The following CSMD2 variants were observed in gnomAD, a reference collection of about 807,000 sequenced individuals.
CSMD2 encodes the protein CUB and sushi domain-containing protein 2.
Under a neutral mutation model 398.5 loss-of-function variants are expected in CSMD2, and 130 were observed. The observed-to-expected ratio is 0.33, with a 90% confidence interval of 0.28 to 0.38. CSMD2 has a LOEUF of 0.38. Ranked by LOEUF, CSMD2 falls within the 10% of genes least tolerant of loss-of-function variation. The probability of loss-of-function intolerance (pLI) is 1.00; values close to 1 mark genes in which losing one functional copy is unlikely to be tolerated. For synonymous variants in CSMD2, 1,828 were observed against 1,908.5 expected (o/e 0.96, Z 1.10); for missense variants, 3,829 against 4,764.9 (o/e 0.80, Z 5.78).
Position 33,514,277 on chromosome 1 carries a change from C to T in CSMD2, c.*2347G>A, listed in dbSNP as rs1450799131. ...CCTACAATAATGAAAAAAAAATTTA[C>T]ACCTTTTTTTTTTTCTTTTTTGGTA... On this transcript the variant is annotated 3_prime_UTR_variant, in exon 71 of 71. Transcript: ENST00000373381. The T allele has an allele frequency of 2.7e-5, 3 of 112,498 alleles. No homozygotes were observed. Among genetic ancestry groups the T allele is most frequent in the Non-Finnish European group, 5.8e-5 (3 of 52,002 alleles). The allele number at this position is 112,498 out of a possible 1,614,324, so 7.0% of individuals were successfully genotyped here.
At chr1:34,153,077 C>T (rs10753301) in intron 1 of CSMD2, among the ~76,000 whole-genome samples, 92,445 of 152,132 alleles carry the variant, frequency 0.61, 30,401 homozygotes, top group Non-Finnish European at 0.74. Flanking sequence ...AATGCAGTGG[C>T]GCGATCTCGG....
chr1:33,891,203 G>T (rs11484685), intron 5 of CSMD2, among the ~76,000 whole-genome samples: 15,908 of 144,750 alleles, frequency 0.11, 2,739 homozygotes, highest in African/African-American at 0.37. Context: ...AAATTTACAA[G>T]AAAAAAAAAA....
In CSMD2 at chr1:33,636,642, C is replaced by T. The variant is rs773460852; in HGVS notation, c.4775-88G>A. The T allele has an allele frequency of 1.3e-5, 14 of 1,116,250 alleles. No individual in the cohort carries two copies. The highest frequency in any genetic ancestry group is 4.3e-5 in the South Asian group (3 of 69,530). 69.1% of individuals were successfully genotyped at this position (1,116,250 alleles called of 1,614,324 possible). A position where few individuals can be genotyped will look rare whatever the true frequency, so the allele number is the denominator to read the frequency against. On this transcript the variant is annotated intron_variant, in intron 29 of 70. Coordinates refer to ENST00000373381, the MANE Select transcript of CSMD2 (RefSeq NM_001281956.2). The surrounding 1 kb of genome is among the most constrained non-coding windows in gnomAD (Gnocchi z 4.8). ...GGCTCCAGTGCCCATGAGGAGAACC[C>T]GACTTTAATTAGCCACAGAGCACAC...
chr1:33,525,258 T>C (rs1326512025), intron 65 of CSMD2, among the ~76,000 whole-genome samples: 1 of 152,118 alleles, frequency 6.6e-6, no homozygotes, highest in African/African-American at 2.4e-5. Flanking sequence ...CCCATGTTCA[T>C]CGCAGCATCA....
chr1:33,700,583 T>G lies in CSMD2; in HGVS notation c.3667A>C (p.Ser1223Arg), dbSNP rs755862306. Residue 1223 changes from serine to arginine, a missense_variant, in exon 23 of 71, where the codon AGT becomes CGT. Ser to Arg is a moderately radical substitution (Grantham distance 110). Transcript: ENST00000373381. Reference protein sequence around the residue: ...MGVTLNSTSSSLWLDFITDAE... With the variant: ...MGVTLNSTSSRLWLDFITDAE... ...TCAGTGATGAAATCAAGCCACAGACTGCTGGATGTGCTGTTCAAAGTCACC... is the reference window on the plus strand; with the variant it reads ...TCAGTGATGAAATCAAGCCACAGACGGCTGGATGTGCTGTTCAAAGTCACC... 39 of 1,614,084 alleles carry G rather than the reference T, an allele frequency of 2.4e-5. 2 individuals carry two copies. In the South Asian group the frequency reaches 4.0e-4, roughly 16 times the overall value.
At chr1:34,076,754 T>A (rs1656375492) in intron 2 of CSMD2, among the ~76,000 whole-genome samples, 1 of 151,588 alleles carries the variant, frequency 6.6e-6, no homozygotes, top group South Asian at 2.1e-4. Flanking sequence ...ATAAGGTAGA[T>A]CTTGATACAC....
Position 33,537,363 on chromosome 1 carries a change from A to C in CSMD2, c.9805+73T>G, listed in dbSNP as rs1402361724. 116 of 1,350,668 alleles carry C rather than the reference A, an allele frequency of 8.6e-5. No homozygotes were observed. Among genetic ancestry groups the C allele is most frequent in the Non-Finnish European group, 1.1e-4 (108 of 971,092 alleles). 83.7% of individuals were successfully genotyped at this position (1,350,668 alleles called of 1,614,324 possible). On this transcript the variant is annotated intron_variant, in intron 61 of 70. Coordinates refer to ENST00000373381, the MANE Select transcript of CSMD2 (RefSeq NM_001281956.2). This position sits in a 1 kb window ranked among gnomAD's most constrained non-coding sequence, Gnocchi z 4.6. ...ACCACTGAAGACAGGGAAGGAAAGT[A>C]ATCATCTCAGGCCCAAAAGAAGGTC...
At position 33,624,562 on chromosome 1, in the gene CSMD2, T is replaced by G. The variant is rs774352993; in HGVS notation, c.5582A>C (p.Asn1861Thr). 1.2e-6 allele frequency: 2 copies of G among 1,613,994 alleles called. No individual in the cohort carries two copies. Among genetic ancestry groups the G allele is most frequent in the Non-Finnish European group, 1.7e-6 (2 of 1,179,930 alleles). ...GGGGACCACGATCTTCCACACACAG[T>G]TGAGGCTGTTGAGGTACGGCTCTGG... The part of the protein sequence containing the change: ...GFPEPYLNSL[N>T]CVWKIVVPEG... Residue 1861 changes from asparagine (N) to threonine (T), a missense_variant, in exon 35 of 71, where the codon AAC becomes ACC. This residue lies in a region of CSMD2 where 2,001 missense variants were observed against 2,567.1 expected (regional missense o/e 0.78). Coordinates refer to ENST00000373381, the MANE Select transcript of CSMD2 (RefSeq NM_001281956.2). This position sits in a 1 kb window ranked among gnomAD's most constrained non-coding sequence, Gnocchi z 4.7.
At chr1:33,729,895 G>T (rs1426074402) in intron 15 of CSMD2, among the ~76,000 whole-genome samples, 2 of 152,126 alleles carry the variant, frequency 1.3e-5, no homozygotes, top group Non-Finnish European at 2.9e-5. Context: ...GAGGAATTTG[G>T]TAATATCCAA....
At chr1:33,822,394 G>A (rs1658258666) in intron 7 of CSMD2, among the ~76,000 whole-genome samples, 1 of 152,116 alleles carries the variant, frequency 6.6e-6, no homozygotes, top group African/African-American at 2.4e-5. Context: ...TACAGTTAGA[G>A]GCCTGAAGTA....
At chr1:34,031,920 C>T (rs1650493996) in intron 3 of CSMD2, among the ~76,000 whole-genome samples, 1 of 152,016 alleles carries the variant, frequency 6.6e-6, no homozygotes, top group African/African-American at 2.4e-5. Context: ...CCAAGAGTGG[C>T]ATAATTACCT....
rs1180460707 is a variant in CSMD2, at chr1:33,726,618, G to A, written c.2436C>T (p.Tyr812=). ...TILSPGWPGF[Y]KDALSCAWVI... ...CCCAGGCACAGCTCAAGGCATCCTT[G>A]TAGAAGCCAGGCCAGCCCGGAGAGA... The change falls in exon 16 of 71, where the codon TAC becomes TAT. Residue 812 remains tyrosine (Y), a synonymous_variant. Transcript: ENST00000373381. 1 of 1,613,720 alleles carries A rather than the reference G, an allele frequency of 6.2e-7. No individual in the cohort carries two copies. Among genetic ancestry groups the A allele is most frequent in the South Asian group, 1.1e-5 (1 of 91,014 alleles).
intron 3 of CSMD2, among the ~76,000 whole-genome samples, chr1:33,990,493 CCA>C (rs920195930): frequency 8.5e-5 from 13 of 152,060 alleles, no homozygotes; most frequent in Non-Finnish European, 1.6e-4. Context: ...TCCCCTCACC[CCA>C]CACTTTCTGC....
At chr1:33,922,906 G>A (rs1328812135) in intron 4 of CSMD2, among the ~76,000 whole-genome samples, 1 of 152,000 alleles carries the variant, frequency 6.6e-6, no homozygotes, top group Admixed American at 6.6e-5. Flanking sequence ...CATTCTTTTG[G>A]TTTTTCAGTT....
intron 9 of CSMD2, among the ~76,000 whole-genome samples, chr1:33,813,591 A>G (rs1028381182): frequency 1.3e-5 from 2 of 151,082 alleles, no homozygotes; most frequent in African/African-American, 4.9e-5. Flanking sequence ...CTCTGCAGCT[A>G]CTCCCATTTT....
At chr1:34,162,816 G>A (rs557564462) in intron 1 of CSMD2, among the ~76,000 whole-genome samples, 3 of 152,198 alleles carry the variant, frequency 2.0e-5, no homozygotes, top group South Asian at 4.2e-4. Context: ...CTGAGACCGC[G>A]CCATTGCACT....
intron 29 of CSMD2, among the ~76,000 whole-genome samples, chr1:33,645,342 TATACACACACACACACACACAC>T (rs1643361167): frequency 9.6e-6 from 1 of 104,220 alleles, no homozygotes; most frequent in African/African-American, 3.9e-5. Flanking sequence ...TATGGAGCAT[TATACACACACACACACACACAC>T]ACACACACAC....
chr1:33,760,742 G>T (rs151262356), intron 13 of CSMD2, among the ~76,000 whole-genome samples: 107 of 152,220 alleles, frequency 7.0e-4, no homozygotes, highest in African/African-American at 2.4e-3. Flanking sequence ...GCTCAGGGAA[G>T]GTATACATTC....
chr1:33,718,059 C>G (rs1646231156), intron 19 of CSMD2, among the ~76,000 whole-genome samples: 1 of 152,190 alleles, frequency 6.6e-6, no homozygotes, highest in African/African-American at 2.4e-5. Context: ...TTATTATCAT[C>G]TCCAGTTTAC....
Sources: allele counts gnomAD v4.1 joint callset (sites outside exome capture counted in the v4.1 genomes callset), GRCh38; gene constraint gnomAD v4.1.1; regional missense constraint gnomAD v4.1.1; non-coding constraint Gnocchi (gnomAD v3.1); transcripts MANE v1.5; gene names NCBI Gene and HGNC (gene_info 2026-07-23, HGNC 2026-07-21).